The following FGF12 variants were observed in gnomAD, a reference collection of about 807,000 sequenced individuals.
The protein encoded by FGF12 is fibroblast growth factor 12.
A neutral mutation model predicts 23.6 loss-of-function variants in FGF12; 14 were observed. That is an observed-to-expected ratio of 0.59 (90% CI 0.39 to 0.93). The LOEUF (loss-of-function observed/expected upper bound fraction) is 0.93, where lower values mean the gene tolerates loss of function less well. Ranked by LOEUF, FGF12 falls within the 40% of genes least tolerant of loss-of-function variation. The probability of loss-of-function intolerance (pLI) is 0.00; values close to 1 mark genes in which losing one functional copy is unlikely to be tolerated. For synonymous variants in FGF12, 62 were observed against 77.3 expected (o/e 0.80, Z 1.04); for missense variants, 175 against 217.8 (o/e 0.80, Z 1.24).
At chr3:192,711,244 G>A (rs982857220) in intron 2 of FGF12, among the ~76,000 whole-genome samples, 5 of 143,166 alleles carry the variant, frequency 3.5e-5, no homozygotes, top group African/African-American at 1.2e-4. Flanking sequence ...GGGAGGTGGG[G>A]GCCAGCCCCT....
intron 4 of FGF12, among the ~76,000 whole-genome samples, chr3:192,195,245 G>A (rs568286392): frequency 2.0e-5 from 3 of 152,148 alleles, no homozygotes; most frequent in African/African-American, 4.8e-5. Context: ...AACTAAAGTC[G>A]TTACCATTTA....
rs78015829 is a variant in FGF12 at position 192,174,143 on chromosome 3, A to G, written c.229-3487T>C. On this transcript the variant is annotated intron_variant, in intron 4 of 5. Transcript: ENST00000445105. The stretch of plus-strand genomic sequence containing the variant: ...ATTATAGAAACCATATCAGTGATGT[A>G]TAATTACTACATTGTCATTTATACA... 4.5e-3 allele frequency among the ~76,000 whole-genome samples: 690 copies of G among 152,340 alleles called. 2 individuals carry two copies. Among genetic ancestry groups the G allele is most frequent in the South Asian group, 0.027 (129 of 4,830 alleles).
At chr3:192,163,544 C>T (rs959032400) in intron 5 of FGF12, among the ~76,000 whole-genome samples, 2 of 151,978 alleles carry the variant, frequency 1.3e-5, no homozygotes, top group Non-Finnish European at 2.9e-5. Flanking sequence ...TTAGAAACAC[C>T]AAATTCAGAA....
chr3:192,327,454 C>T (rs1273037433), intron 4 of FGF12, among the ~76,000 whole-genome samples: 2 of 151,766 alleles, frequency 1.3e-5, no homozygotes, highest in East Asian at 1.9e-4. Flanking sequence ...TTAGTTTATC[C>T]TTTAGTTAAA....
chr3:192,209,158 A>AT (rs1470118561), intron 4 of FGF12, among the ~76,000 whole-genome samples: 1 of 152,220 alleles, frequency 6.6e-6, no homozygotes, highest in Admixed American at 6.5e-5. Context: ...AGAAAAGCTG[A>AT]TTTAAATGAG....
intron 2 of FGF12, among the ~76,000 whole-genome samples, chr3:192,369,298 A>C (rs1210507879): frequency 6.6e-6 from 1 of 151,654 alleles, no homozygotes. Flanking sequence ...CTTTGAATAT[A>C]ATGCCTCTGG....
At position 192,143,134 on chromosome 3, in the gene FGF12, G is replaced by A. The variant is rs1235819299; in HGVS notation, c.*875C>T. On this transcript the variant is annotated 3_prime_UTR_variant, in exon 6 of 6. Transcript: ENST00000445105. ...GCAAAAAAATCAGACCAAATGCTAA[G>A]AGCAAGTAACTTATACCTCACCACC... 2 of 149,276 alleles carry A rather than the reference G, an allele frequency of 1.3e-5. No homozygotes were observed. The highest frequency in any genetic ancestry group is 4.9e-5 in the African/African-American group (2 of 40,450). 9.2% of individuals were successfully genotyped at this position (149,276 alleles called of 1,614,324 possible).
In FGF12 at chr3:192,354,898, G is replaced by A. The variant is rs757054904; in HGVS notation, c.124+5530C>T. ...TTTTTCTTGTATTTTTAGTAGAGACGGGTTTTCACCATGCTGGCCATAGCT... is the reference window on the plus strand; with the variant it reads ...TTTTTCTTGTATTTTTAGTAGAGACAGGTTTTCACCATGCTGGCCATAGCT... On this transcript the variant is annotated intron_variant, in intron 3 of 5. Coordinates refer to ENST00000445105, the MANE Select transcript of FGF12 (RefSeq NM_004113.6). 4.6e-5 allele frequency among the ~76,000 whole-genome samples: 7 copies of A among 152,188 alleles called. No individual in the cohort carries two copies. The East Asian group carries it at 5.8e-4, about 13-fold the overall frequency.
At chr3:192,285,755 C>A (rs1041560041) in intron 4 of FGF12, among the ~76,000 whole-genome samples, 1 of 151,986 alleles carries the variant, frequency 6.6e-6, no homozygotes. Context: ...ATTAAAACTT[C>A]TTGCATGAAG....
chr3:192,426,171 C>T (rs1299582315), intron 2 of FGF12, among the ~76,000 whole-genome samples: 1 of 152,208 alleles, frequency 6.6e-6, no homozygotes, highest in Non-Finnish European at 1.5e-5. Flanking sequence ...TTACCATTAA[C>T]TTGGTCTAAG....
intron 2 of FGF12, among the ~76,000 whole-genome samples, chr3:192,637,597 G>T (rs1490041607): frequency 6.6e-6 from 1 of 152,146 alleles, no homozygotes; most frequent in Non-Finnish European, 1.5e-5. Flanking sequence ...TTTTTAGGAA[G>T]TCTTGTCAAA....
intron 4 of FGF12, among the ~76,000 whole-genome samples, chr3:192,308,416 G>A (rs534713125): frequency 6.6e-6 from 1 of 152,210 alleles, no homozygotes; most frequent in South Asian, 2.1e-4. Flanking sequence ...AGTGGCTCAC[G>A]CCTGTAATCC....
At chr3:192,321,036 TAAAC>T (rs1302339536) in intron 4 of FGF12, among the ~76,000 whole-genome samples, 1 of 151,910 alleles carries the variant, frequency 6.6e-6, no homozygotes, top group African/African-American at 2.4e-5. Flanking sequence ...TTTGAAAAGA[TAAAC>T]AAAATCAACA....
At chr3:192,632,235 G>A (rs1488720466) in intron 2 of FGF12, among the ~76,000 whole-genome samples, 2 of 152,056 alleles carry the variant, frequency 1.3e-5, no homozygotes, top group Non-Finnish European at 2.9e-5. Flanking sequence ...ACCAGAGCAT[G>A]GAATTCAACA....
At chr3:192,250,144 A>C (rs1711910930) in intron 4 of FGF12, among the ~76,000 whole-genome samples, 2 of 152,226 alleles carry the variant, frequency 1.3e-5, no homozygotes, top group African/African-American at 4.8e-5. Context: ...TAACATTTAT[A>C]TTAAATCTGA....
chr3:192,324,009 C>T (rs1171235850), intron 4 of FGF12, among the ~76,000 whole-genome samples: 1 of 151,824 alleles, frequency 6.6e-6, no homozygotes, highest in African/African-American at 2.4e-5. Context: ...GCAGAATTGC[C>T]TGAACCCAGG....
chr3:192,270,607 T>C (rs1214132764), intron 4 of FGF12, among the ~76,000 whole-genome samples: 3 of 152,206 alleles, frequency 2.0e-5, no homozygotes, highest in Non-Finnish European at 2.9e-5. Context: ...AGAATTATTG[T>C]ATCTTATACG....
intron 2 of FGF12, among the ~76,000 whole-genome samples, chr3:192,476,088 A>C (rs1030360008): frequency 2.0e-5 from 3 of 152,174 alleles, no homozygotes; most frequent in African/African-American, 7.2e-5. Flanking sequence ...CCAAGAGATC[A>C]CCTGCAGCTC....
chr3:192,564,063 T>G (rs879263728), intron 2 of FGF12, among the ~76,000 whole-genome samples: 4 of 150,546 alleles, frequency 2.7e-5, no homozygotes, highest in Admixed American at 2.0e-4. Context: ...TTTTTGTTTT[T>G]GTTTGTTTGT....
Sources: allele counts gnomAD v4.1 joint callset (sites outside exome capture counted in the v4.1 genomes callset), GRCh38; gene constraint gnomAD v4.1.1; transcripts MANE v1.5; gene names NCBI Gene and HGNC (gene_info 2026-07-23, HGNC 2026-07-21).